Variants in PCDH9 observed in about 807,000 individuals in gnomAD.
PCDH9 encodes protocadherin-9.
PCDH9 carries 24 observed loss-of-function variants against 70.6 expected under a neutral mutation model. The ratio of observed to expected loss-of-function variants is 0.34; its 90% CI spans 0.25 to 0.48. The LOEUF (loss-of-function observed/expected upper bound fraction) is 0.48, where lower values mean the gene tolerates loss of function less well. Ranked by LOEUF, PCDH9 falls within the 20% of genes least tolerant of loss-of-function variation. The pLI, the probability that PCDH9 is intolerant of heterozygous loss-of-function variation, is 0.99. For synonymous variants in PCDH9, 562 were observed against 558.5 expected (o/e 1.01, Z -0.09); for missense variants, 1,281 against 1,503.6 (o/e 0.85, Z 2.45).
In PCDH9 at chr13:66,304,825, C is replaced by T. The variant is rs1162504464; in HGVS notation, c.3544G>A (p.Ala1182Thr). 1.2e-6 allele frequency: 2 copies of T among 1,613,416 alleles called. No homozygotes were observed. Among genetic ancestry groups the T allele is most frequent in the Non-Finnish European group, 1.7e-6 (2 of 1,179,730 alleles). ...TTCCTGTTGCTGTCTTCTTTCCAGG[C>T]TCTGGTCAGGGTGTGCCCATTCACA... is the stretch of plus-strand genomic sequence containing the variant. ...KLVNGHTLTR[A>T]WKEDSNRNQF... Residue 1182 changes from alanine to threonine, a missense_variant, in exon 5 of 5, where the codon GCC (alanine) becomes ACC (threonine). Physicochemically the swap from Ala to Thr is moderately conservative, Grantham distance 58. Around this residue, in one of 4 missense-constraint regions of PCDH9, gnomAD observed 264 missense variants for 278.8 expected, o/e 0.95. Coordinates refer to ENST00000377865, the MANE Select transcript of PCDH9 (RefSeq NM_203487.3).
At chr13:66,895,126 T>C (rs1260888982) in intron 3 of PCDH9, among the ~76,000 whole-genome samples, 1 of 152,166 alleles carries the variant, frequency 6.6e-6, no homozygotes, top group Non-Finnish European at 1.5e-5. Flanking sequence ...GTATCTTATA[T>C]TAAAAGATTA....
At chr13:66,905,475 T>G (rs1353708191) in intron 2 of PCDH9, among the ~76,000 whole-genome samples, 1 of 152,090 alleles carries the variant, frequency 6.6e-6, no homozygotes, top group African/African-American at 2.4e-5. Context: ...AGCTCAGACA[T>G]AAATATTTTT....
chr13:66,417,099 C>A (rs7318423), intron 4 of PCDH9, among the ~76,000 whole-genome samples: 56,503 of 151,866 alleles, frequency 0.37, 11,320 homozygotes, highest in East Asian at 0.47. Context: ...CATAGGTGTA[C>A]ATGTGCCATG....
Position 66,632,038 on chromosome 13 carries a change from C to T in PCDH9, c.3139-627G>A, listed in dbSNP as rs143294245. Among the ~76,000 whole-genome samples, 632 of 152,240 alleles carry T rather than the reference C, an allele frequency of 4.2e-3. 19 individuals carry two copies. The East Asian group carries it at 0.08, about 19-fold the overall frequency. On this transcript the variant is annotated intron_variant, in intron 3 of 4. Transcript: ENST00000377865. ...CCTTCCAAGTAGCTGGGATTTCAGG[C>T]GCATGCCACCATGCCCGGCTGAATT...
At chr13:66,726,361 T>A (rs1370499956) in intron 3 of PCDH9, among the ~76,000 whole-genome samples, 1 of 151,994 alleles carries the variant, frequency 6.6e-6, no homozygotes, top group Non-Finnish European at 1.5e-5. Flanking sequence ...AGTTGCACAA[T>A]GTAAAGAAAA....
intron 2 of PCDH9, among the ~76,000 whole-genome samples, chr13:67,017,261 G>A (rs1325459297): frequency 6.6e-6 from 1 of 152,166 alleles, no homozygotes; most frequent in Non-Finnish European, 1.5e-5. Context: ...ATGTGGCTAT[G>A]TATAAACCAA....
rs111494074 is a variant in PCDH9 at position 66,495,103 on chromosome 13, T to C, written c.3340+136107A>G. Among the ~76,000 whole-genome samples, 1,482 of 152,156 alleles carry C rather than the reference T, an allele frequency of 9.7e-3. 24 individuals carry two copies. Among genetic ancestry groups the C allele is most frequent in the African/African-American group, 0.033 (1,386 of 41,524 alleles). On this transcript the variant is annotated intron_variant, in intron 4 of 4. Transcript: ENST00000377865. The stretch of plus-strand genomic sequence containing the variant: ...TAAAATAATTATTGAATTTAGCAGA[T>C]GGGTATATGAAGGTTTATTAAACAA...
intron 3 of PCDH9, among the ~76,000 whole-genome samples, chr13:66,823,675 TA>T (rs1438682216): frequency 1.3e-5 from 2 of 152,110 alleles, no homozygotes; most frequent in Non-Finnish European, 2.9e-5. Flanking sequence ...GAGATACGGC[TA>T]AAAACTTGTC....
intron 4 of PCDH9, among the ~76,000 whole-genome samples, chr13:66,356,076 G>C (rs900510479): frequency 2.0e-5 from 3 of 152,062 alleles, no homozygotes; most frequent in Non-Finnish European, 4.4e-5. Context: ...TATAGGCAAA[G>C]TGAAATTTTA....
intron 3 of PCDH9, among the ~76,000 whole-genome samples, chr13:66,797,596 C>T (rs1396678491): frequency 3.3e-5 from 5 of 152,086 alleles, no homozygotes; most frequent in East Asian, 1.9e-4. Context: ...TCTATGTATG[C>T]TATGGCGAAT....
chr13:66,687,111 A>G (rs1315899076), intron 3 of PCDH9, among the ~76,000 whole-genome samples: 1 of 152,182 alleles, frequency 6.6e-6, no homozygotes, highest in Non-Finnish European at 1.5e-5. Flanking sequence ...GTTATTAAGC[A>G]TAAGTTATTC....
At position 67,128,619 on chromosome 13, in the gene PCDH9, T is replaced by C. The variant is rs543028845; in HGVS notation, c.3036+96786A>G. ...CCTTCTGCTCTCTCCCTCTGTCATTTCGCCCACCATTTGTACTATTTGTTG... is the reference window on the plus strand; with the variant it reads ...CCTTCTGCTCTCTCCCTCTGTCATTCCGCCCACCATTTGTACTATTTGTTG... On this transcript the variant is annotated intron_variant, in intron 2 of 4. Transcript: ENST00000377865. Among the ~76,000 whole-genome samples the C allele has an allele frequency of 1.2e-4, 18 of 152,346 alleles. No individual in the cohort carries two copies. The South Asian group carries it at 3.7e-3, about 32-fold the overall frequency.
intron 4 of PCDH9, among the ~76,000 whole-genome samples, chr13:66,375,934 G>A (rs1956738630): frequency 6.6e-6 from 1 of 152,008 alleles, no homozygotes; most frequent in African/African-American, 2.4e-5. Context: ...TCTCCTCTGT[G>A]AGTACAGTGC....
At chr13:66,679,092 T>C (rs190326041) in intron 3 of PCDH9, among the ~76,000 whole-genome samples, 378 of 151,850 alleles carry the variant, frequency 2.5e-3, no homozygotes, top group African/African-American at 8.6e-3. Flanking sequence ...TCAAACATTT[T>C]AAATTAAATT....
intron 4 of PCDH9, among the ~76,000 whole-genome samples, chr13:66,558,302 C>T (rs1395385886): frequency 1.3e-5 from 2 of 152,096 alleles, no homozygotes; most frequent in Admixed American, 6.5e-5. Flanking sequence ...AACTATTAAA[C>T]AAATGTATGC....
At chr13:66,324,956 G>A (rs1955816783) in intron 4 of PCDH9, among the ~76,000 whole-genome samples, 1 of 151,554 alleles carries the variant, frequency 6.6e-6, no homozygotes, top group South Asian at 2.1e-4. Flanking sequence ...CACTTCAATT[G>A]TGGGATACTA....
At chr13:66,305,213 G>T (rs368245131) in intron 4 of PCDH9, among the ~76,000 whole-genome samples, 185 bp from the exon 5 acceptor site, 3 of 151,948 alleles carry the variant, frequency 2.0e-5, no homozygotes, top group Non-Finnish European at 4.4e-5. Flanking sequence ...AAATTTGTTA[G>T]GGAGGTAAGA....
rs1020289569 is a variant in PCDH9 at position 66,520,272 on chromosome 13, AT to A, written c.3340+110937del. Among the ~76,000 whole-genome samples, 40 of 152,088 alleles carry A rather than the reference AT, an allele frequency of 2.6e-4. 1 individual carries two copies. The highest frequency in any genetic ancestry group is 8.9e-4 in the African/African-American group (37 of 41,488). ...ATTTGGATTAAATGTGCATACAATG[AT>A]TTTTTTTCCGCTATTTCATTTGCTT... On this transcript the variant is annotated intron_variant, in intron 4 of 4. Transcript: ENST00000377865.
At chr13:66,576,307 TAC>T (rs1358380111) in intron 4 of PCDH9, among the ~76,000 whole-genome samples, 1 of 151,980 alleles carries the variant, frequency 6.6e-6, no homozygotes. Flanking sequence ...AGTTTCTTTA[TAC>T]ACACACACAT....
Sources: gnomAD v4.1 joint callset for allele counts (sites outside exome capture counted in the v4.1 genomes callset) on GRCh38, gnomAD v4.1.1 for gene constraint, gnomAD v4.1.1 regional missense constraint, MANE v1.5 for transcripts, NCBI Gene and HGNC (gene_info 2026-07-23, HGNC 2026-07-21) for gene names.